KIF13A: variants seen among roughly 807,000 people sequenced by gnomAD.
KIF13A encodes kinesin family member 13A.
In KIF13A, 79 loss-of-function variants were observed where a neutral mutation model predicts 212.2. The ratio of observed to expected loss-of-function variants is 0.37; its 90% CI spans 0.31 to 0.45. The LOEUF (loss-of-function observed/expected upper bound fraction) is 0.45, where lower values mean the gene tolerates loss of function less well. KIF13A is among the 20% of genes least tolerant of loss of function. The pLI, the probability that KIF13A is intolerant of heterozygous loss-of-function variation, is 1.00. For synonymous variants in KIF13A, 789 were observed against 808.6 expected (o/e 0.98, Z 0.41); for missense variants, 1,901 against 2,209.0 (o/e 0.86, Z 2.79).
At chr6:17,904,672 C>T (rs1355006266) in intron 2 of KIF13A, among the ~76,000 whole-genome samples, 2 of 152,186 alleles carry the variant, frequency 1.3e-5, no homozygotes, top group Non-Finnish European at 2.9e-5. Flanking sequence ...TCCTTCCCCA[C>T]ACTTCACTCT....
At chr6:17,979,280 G>A (rs1780851713) in intron 2 of KIF13A, among the ~76,000 whole-genome samples, 1 of 152,032 alleles carries the variant, frequency 6.6e-6, no homozygotes, top group Non-Finnish European at 1.5e-5. Context: ...GCGACAGAAC[G>A]AGACTCCATC....
At position 17,947,911 on chromosome 6, in the gene KIF13A, A is replaced by G. The variant is rs765462913; in HGVS notation, c.146+39143T>C. Reference sequence around the variant, plus strand: ...TATGATGTATTTCACCTACTCTCAAAGAGTTCAAAAAATAAATTATATTTT... The same window carrying G: ...TATGATGTATTTCACCTACTCTCAAGGAGTTCAAAAAATAAATTATATTTT... On this transcript the variant is annotated intron_variant, in intron 2 of 38. Transcript: ENST00000259711. The surrounding 1 kb of genome is among the most constrained non-coding windows in gnomAD (Gnocchi z 4.6). Among the ~76,000 whole-genome samples the G allele has an allele frequency of 3.3e-5, 5 of 152,208 alleles. No individual in the cohort carries two copies. Among genetic ancestry groups the G allele is most frequent in the Non-Finnish European group, 7.3e-5 (5 of 68,038 alleles).
intron 9 of KIF13A, among the ~76,000 whole-genome samples, chr6:17,840,421 G>C (rs1241397398): frequency 6.6e-6 from 1 of 151,972 alleles, no homozygotes; most frequent in Non-Finnish European, 1.5e-5. Context: ...TGATATTTTT[G>C]ATTGGAAACA....
intron 2 of KIF13A, among the ~76,000 whole-genome samples, chr6:17,925,724 A>G (rs1775438702): frequency 6.6e-6 from 1 of 152,226 alleles, no homozygotes; most frequent in Non-Finnish European, 1.5e-5. Flanking sequence ...AACACTTAAT[A>G]AAGAACATGT....
intron 3 of KIF13A, among the ~76,000 whole-genome samples, chr6:17,896,815 G>A (rs774243063): frequency 6.6e-6 from 1 of 152,156 alleles, no homozygotes; most frequent in Admixed American, 6.5e-5. Flanking sequence ...GGCATATGTG[G>A]AGTTGCGCAG....
Position 17,951,380 on chromosome 6 carries a change from C to A in KIF13A, c.146+35674G>T. On this transcript the variant is annotated intron_variant, in intron 2 of 38. Coordinates refer to ENST00000259711, the MANE Select transcript of KIF13A (RefSeq NM_022113.6). The surrounding 1 kb of genome is among the most constrained non-coding windows in gnomAD (Gnocchi z 4.9). The stretch of plus-strand genomic sequence containing the variant: ...TCCTCGGCTCAAGTGATCCTCTTGC[C>A]TTGGCCTCCCAAAGTGCTGGAATTA... 1.6e-6 allele frequency: 1 copy of A among 634,992 alleles called. No homozygotes were observed. Among genetic ancestry groups the A allele is most frequent in the South Asian group, 1.7e-5 (1 of 58,048 alleles). The allele number at this position is 634,992 out of a possible 1,614,324, so 39.3% of individuals were successfully genotyped here. A position where few individuals can be genotyped will look rare whatever the true frequency, so the allele number is the denominator to read the frequency against.
At chr6:17,761,720 T>C (rs1019466889), downstream of KIF13A, among the ~76,000 whole-genome samples, 35 of 152,282 alleles carry the variant, frequency 2.3e-4, no homozygotes, top group Admixed American at 2.0e-3. Flanking sequence ...CATAATCCCA[T>C]CATCTTGATA....
intron 2 of KIF13A, among the ~76,000 whole-genome samples, chr6:17,913,309 C>T (rs1309011585): frequency 1.3e-5 from 2 of 151,992 alleles, no homozygotes; most frequent in Admixed American, 6.6e-5. Flanking sequence ...TTTCAGAATT[C>T]GTGGATACTA....
rs577238982 is a variant in KIF13A at position 17,801,663 on chromosome 6, G to A, written c.2455-1550C>T. Among the ~76,000 whole-genome samples the A allele has an allele frequency of 2.6e-5, 4 of 152,332 alleles. No individual in the cohort carries two copies. In the South Asian group the frequency reaches 8.3e-4, roughly 32 times the overall value. ...AACTGTGCCAGGAACTGTGCTATGA[G>A]CATCCAATAGCAAACCAAATTGACA... On this transcript the variant is annotated intron_variant, in intron 20 of 38. Coordinates refer to ENST00000259711, the MANE Select transcript of KIF13A (RefSeq NM_022113.6).
At chr6:17,878,342 T>C (rs2150445498) in intron 3 of KIF13A, among the ~76,000 whole-genome samples, 1 of 152,332 alleles carries the variant, frequency 6.6e-6, no homozygotes, top group Middle Eastern at 3.4e-3. Flanking sequence ...TATAGTGGAA[T>C]AATCATTTAT....
chr6:17,867,759 T>A (rs1769557581), intron 4 of KIF13A, among the ~76,000 whole-genome samples: 1 of 152,242 alleles, frequency 6.6e-6, no homozygotes, highest in African/African-American at 2.4e-5. Flanking sequence ...AGAACTCAGC[T>A]AAGAAATTGG....
At chr6:17,762,508 G>T (rs1204861697), downstream of KIF13A, among the ~76,000 whole-genome samples, 1 of 152,014 alleles carries the variant, frequency 6.6e-6, no homozygotes, top group Non-Finnish European at 1.5e-5. Context: ...CACCATACTC[G>T]GCCATGAATA....
At chr6:17,936,894 G>A (rs1456428590) in intron 2 of KIF13A, among the ~76,000 whole-genome samples, 1 of 152,162 alleles carries the variant, frequency 6.6e-6, no homozygotes, top group Non-Finnish European at 1.5e-5. Context: ...AAAGGAAAAG[G>A]AGATTGGGCA....
intron 26 of KIF13A, among the ~76,000 whole-genome samples, chr6:17,788,873 C>T (rs568476721): frequency 5.9e-5 from 9 of 152,080 alleles, no homozygotes; most frequent in East Asian, 1.9e-4. Context: ...TATAGGCGCG[C>T]GCCACCACGC....
rs762592052 is a variant in KIF13A at position 17,982,447 on chromosome 6, CT to C, written c.146+4606del. 2 of 984,564 alleles carry C rather than the reference CT, an allele frequency of 2.0e-6. No individual in the cohort carries two copies. The highest frequency in any genetic ancestry group is 2.4e-6 in the Non-Finnish European group (2 of 829,240). 61.0% of individuals were successfully genotyped at this position (984,564 alleles called of 1,614,324 possible). A position where few individuals can be genotyped will look rare whatever the true frequency, so the allele number is the denominator to read the frequency against. ...TTCAGATGTTCAGACAGGGATACCG[CT>C]GGTGAATAAACTAAAAAATACATAC... On this transcript the variant is annotated intron_variant, in intron 2 of 38. Transcript: ENST00000259711. This position sits in a 1 kb window ranked among gnomAD's most constrained non-coding sequence, Gnocchi z 5.1.
intron 20 of KIF13A, among the ~76,000 whole-genome samples, chr6:17,801,053 T>C (rs75394888): frequency 0.025 from 3,866 of 152,132 alleles, 74 homozygotes; most frequent in Non-Finnish European, 0.04. Context: ...TTAAAATATA[T>C]TCACTCACCT....
At chr6:17,852,743 A>G (rs888210576) in intron 6 of KIF13A, among the ~76,000 whole-genome samples, 2 of 152,206 alleles carry the variant, frequency 1.3e-5, no homozygotes, top group African/African-American at 2.4e-5. Context: ...ACTAGTAGAC[A>G]GTATTAAAAC....
Position 17,951,599 on chromosome 6 carries a change from A to G in KIF13A, c.146+35455T>C, listed in dbSNP as rs1232188692. Among the ~76,000 whole-genome samples, 1 of 152,042 alleles carries G rather than the reference A, an allele frequency of 6.6e-6. No individual in the cohort carries two copies. The highest frequency in any genetic ancestry group is 1.5e-5 in the Non-Finnish European group (1 of 68,022). On this transcript the variant is annotated intron_variant, in intron 2 of 38. Coordinates refer to ENST00000259711, the MANE Select transcript of KIF13A (RefSeq NM_022113.6). This position sits in a 1 kb window ranked among gnomAD's most constrained non-coding sequence, Gnocchi z 4.9. ...ACCCCCCTCAAAAAATGCCATATCC[A>G]TCGGCAGTCACTCTCCATTTCCCCC... is the stretch of plus-strand genomic sequence containing the variant.
intron 3 of KIF13A, among the ~76,000 whole-genome samples, chr6:17,875,862 T>C (rs1372369252): frequency 6.6e-6 from 1 of 152,168 alleles, no homozygotes; most frequent in African/African-American, 2.4e-5. Context: ...CAGAGTTTCA[T>C]GAGCTACTCC....
Sources: gnomAD v4.1 joint callset for allele counts (sites outside exome capture counted in the v4.1 genomes callset) on GRCh38, gnomAD v4.1.1 for gene constraint, Gnocchi (gnomAD v3.1) non-coding constraint, MANE v1.5 for transcripts, NCBI Gene and HGNC (gene_info 2026-07-23, HGNC 2026-07-21) for gene names.